GPC6: variants seen among roughly 807,000 people sequenced by gnomAD.
GPC6 encodes the protein glypican-6.
GPC6 carries 14 observed loss-of-function variants against 55.2 expected under a neutral mutation model. The ratio of observed to expected loss-of-function variants is 0.25; its 90% CI spans 0.17 to 0.40. The LOEUF (loss-of-function observed/expected upper bound fraction) is 0.40. GPC6 is among the 10% of genes least tolerant of loss of function. The pLI is 1.00. For synonymous variants in GPC6, 278 were observed against 259.6 expected, an observed-to-expected ratio of 1.07 and a Z score of -0.68; for missense variants, 641 against 708.5, an observed-to-expected ratio of 0.90 and a Z score of 1.08.
chr13:93,345,461 C>T (rs1880394089), intron 1 of GPC6, among the ~76,000 whole-genome samples: 2 of 151,776 alleles, frequency 1.3e-5, no homozygotes, highest in African/African-American at 4.8e-5. Context: ...GAGTAAACAG[C>T]ATCTCATACC....
intron 1 of GPC6, among the ~76,000 whole-genome samples, chr13:93,355,038 C>T (rs1039399164): frequency 6.6e-6 from 1 of 152,174 alleles, no homozygotes; most frequent in African/African-American, 2.4e-5. Context: ...TATAAGGAGT[C>T]ATTGACTCCA....
Position 93,626,046 on chromosome 13 carries a change from T to C in GPC6, c.319+80625T>C, listed in dbSNP as rs529083625. Reference sequence around the variant, plus strand: ...CATGATTGATACATGAGGAGGAAATTTGAGCGTAATAAGAAGTTTGAGTTT... The same window carrying C: ...CATGATTGATACATGAGGAGGAAATCTGAGCGTAATAAGAAGTTTGAGTTT... On this transcript the variant is annotated intron_variant, in intron 2 of 8. Transcript: ENST00000377047. Among the ~76,000 whole-genome samples the C allele has an allele frequency of 4.3e-4, 66 of 152,254 alleles. 2 individuals are homozygous for C. The South Asian group carries it at 8.9e-3, about 21-fold the overall frequency.
rs1226636503 is a variant in GPC6, at chr13:94,382,505, G to A, written c.1244G>A (p.Gly415Asp). The change falls in exon 7 of 9, where the codon GGC (glycine) becomes GAC (aspartate). Residue 415 changes from glycine to aspartate, a missense_variant. Gly to Asp is a moderately conservative substitution (Grantham distance 94, BLOSUM62 -1). Coordinates refer to ENST00000377047, the MANE Select transcript of GPC6 (RefSeq NM_005708.5). ...TGCAAGGACGAGAGCGTGACAGCGG[G>A]CACGTCCAACGAGGAGGAATGCTGG... is the stretch of plus-strand genomic sequence containing the variant. ...TICKDESVTA[G>D]TSNEEECWNG... The A allele has an allele frequency of 3.7e-6, 6 of 1,614,068 alleles. No individual in the cohort carries two copies. The highest frequency in any genetic ancestry group is 5.1e-6 in the Non-Finnish European group (6 of 1,180,030).
chr13:93,373,008 A>G (rs1183701374), intron 1 of GPC6, among the ~76,000 whole-genome samples: 1 of 152,160 alleles, frequency 6.6e-6, no homozygotes, highest in Non-Finnish European at 1.5e-5. Context: ...ACTGTCATGG[A>G]GCAGCACGCA....
intron 4 of GPC6, among the ~76,000 whole-genome samples, chr13:94,182,208 T>C (rs1039365213): frequency 6.6e-6 from 1 of 152,142 alleles, no homozygotes; most frequent in Non-Finnish European, 1.5e-5. Context: ...CAGATTTTTT[T>C]TTTTTTAAAG....
At chr13:93,504,592 A>C (rs1453277020) in intron 1 of GPC6, among the ~76,000 whole-genome samples, 1 of 149,704 alleles carries the variant, frequency 6.7e-6, no homozygotes, top group African/African-American at 2.5e-5. Context: ...ATTTTGTTGC[A>C]GTAAAGGTAC....
chr13:93,875,257 C>A (rs552970087), intron 3 of GPC6, among the ~76,000 whole-genome samples: 1 of 152,126 alleles, frequency 6.6e-6, no homozygotes, highest in African/African-American at 2.4e-5. Flanking sequence ...TCTCCTTTTT[C>A]TCTTTTCAAC....
intron 7 of GPC6, among the ~76,000 whole-genome samples, chr13:94,397,112 A>AT (rs1340398450): frequency 6.6e-6 from 1 of 152,126 alleles, no homozygotes; most frequent in Non-Finnish European, 1.5e-5. Flanking sequence ...TGAAAGCAAT[A>AT]TTTTTTGAAA....
chr13:93,827,520 C>A (rs1887307345), intron 2 of GPC6, among the ~76,000 whole-genome samples: 1 of 152,146 alleles, frequency 6.6e-6, no homozygotes, highest in South Asian at 2.1e-4. Flanking sequence ...CAACATTTGT[C>A]ATAATTGGCT....
At chr13:94,115,649 A>G (rs1171811856) in intron 4 of GPC6, among the ~76,000 whole-genome samples, 1 of 152,070 alleles carries the variant, frequency 6.6e-6, no homozygotes, top group Admixed American at 6.6e-5. Flanking sequence ...GCTCATAGAA[A>G]CCTGTGTATT....
At chr13:93,969,829 C>T (rs146647439) in intron 3 of GPC6, among the ~76,000 whole-genome samples, 1 of 152,222 alleles carries the variant, frequency 6.6e-6, no homozygotes, top group East Asian at 1.9e-4. Context: ...TGGTATTTGG[C>T]TTCCTGTGCC....
At chr13:93,346,720 G>C (rs1002056628) in intron 1 of GPC6, among the ~76,000 whole-genome samples, 1 of 152,140 alleles carries the variant, frequency 6.6e-6, no homozygotes, top group Non-Finnish European at 1.5e-5. Flanking sequence ...AGAATGGACA[G>C]AAAATGGAAA....
chr13:94,405,009 G>A lies in GPC6; in HGVS notation c.*1792G>A, dbSNP rs184597485. ...CCAGTTACATTTTAATTAACTCATCGACAGTATTGACACGTAAATGGTATT... is the reference window on the plus strand; with the variant it reads ...CCAGTTACATTTTAATTAACTCATCAACAGTATTGACACGTAAATGGTATT... On this transcript the variant is annotated 3_prime_UTR_variant, in exon 9 of 9. Transcript: ENST00000377047. 32 of 152,224 alleles carry A rather than the reference G, an allele frequency of 2.1e-4. No individual in the cohort carries two copies. The East Asian group carries it at 4.6e-3, about 22-fold the overall frequency. The allele number at this position is 152,224 out of a possible 1,614,324, so 9.4% of individuals were successfully genotyped here.
chr13:93,802,152 A>G (rs763371852), intron 2 of GPC6, among the ~76,000 whole-genome samples: 1 of 152,178 alleles, frequency 6.6e-6, no homozygotes, highest in Non-Finnish European at 1.5e-5. Context: ...ATAAAAGAGA[A>G]ATCAAAGGGA....
intron 2 of GPC6, among the ~76,000 whole-genome samples, chr13:93,625,654 A>G (rs770200071): frequency 7.2e-5 from 11 of 152,184 alleles, no homozygotes; most frequent in Non-Finnish European, 1.6e-4. Flanking sequence ...GAAAGATTTT[A>G]AAAATCCCTC....
intron 4 of GPC6, among the ~76,000 whole-genome samples, chr13:94,207,776 G>A (rs557733583): frequency 6.6e-6 from 1 of 152,262 alleles, no homozygotes; most frequent in East Asian, 1.9e-4. Flanking sequence ...CTTCCCTGCT[G>A]ACCAATTACA....
At chr13:93,443,085 C>G (rs1256222626) in intron 1 of GPC6, among the ~76,000 whole-genome samples, 1 of 152,128 alleles carries the variant, frequency 6.6e-6, no homozygotes, top group Non-Finnish European at 1.5e-5. Flanking sequence ...GAACCTAACA[C>G]CTATCTGCAA....
chr13:93,351,885 T>A (rs1880645628), intron 1 of GPC6, among the ~76,000 whole-genome samples: 1 of 152,136 alleles, frequency 6.6e-6, no homozygotes, highest in Admixed American at 6.6e-5. Flanking sequence ...AGGTAATTAT[T>A]AAGGATAAGC....
chr13:93,337,464 C>A (rs1880086330), intron 1 of GPC6, among the ~76,000 whole-genome samples: 1 of 151,830 alleles, frequency 6.6e-6, no homozygotes, highest in Non-Finnish European at 1.5e-5. Flanking sequence ...ATTTTCACAA[C>A]AGTCCTACTT....
Sources: gnomAD v4.1 joint callset for allele counts (sites outside exome capture counted in the v4.1 genomes callset) on GRCh38, gnomAD v4.1.1 for gene constraint, MANE v1.5 for transcripts, NCBI Gene and HGNC (gene_info 2026-07-23, HGNC 2026-07-21) for gene names.